CAMKMT: variants seen among roughly 807,000 people sequenced by gnomAD.
CAMKMT encodes the protein CaM KMT.
In CAMKMT, 53 loss-of-function variants were observed where a neutral mutation model predicts 48.0. The ratio of observed to expected loss-of-function variants is 1.10; its 90% CI spans 0.89 to 1.39. The LOEUF (loss-of-function observed/expected upper bound fraction) is 1.39. Among genes scored for constraint, CAMKMT ranks in the 40% most tolerant of loss-of-function variants. The pLI, the probability that CAMKMT is intolerant of heterozygous loss-of-function variation, is 0.00. For synonymous variants in CAMKMT, 165 were observed against 152.3 expected, an observed-to-expected ratio of 1.08 and a Z score of -0.61; for missense variants, 428 against 402.7, an observed-to-expected ratio of 1.06 and a Z score of -0.54.
At chr2:44,401,676 T>A (rs1208141750) in intron 3 of CAMKMT, among the ~76,000 whole-genome samples, 1 of 152,266 alleles carries the variant, frequency 6.6e-6, no homozygotes, top group African/African-American at 2.4e-5. Flanking sequence ...AAATATGAAT[T>A]TAATGGCTTG....
intron 3 of CAMKMT, among the ~76,000 whole-genome samples, chr2:44,472,577 C>T (rs1668478422): frequency 6.6e-6 from 1 of 152,026 alleles, no homozygotes; most frequent in Non-Finnish European, 1.5e-5. Context: ...TCATTTTTAA[C>T]AAAAATTTAT....
At chr2:44,471,739 C>G (rs929425751) in intron 3 of CAMKMT, among the ~76,000 whole-genome samples, 2 of 152,128 alleles carry the variant, frequency 1.3e-5, no homozygotes, top group Non-Finnish European at 2.9e-5. Flanking sequence ...TGGAGTCTCA[C>G]TCTGTTGCCC....
intron 3 of CAMKMT, among the ~76,000 whole-genome samples, chr2:44,590,335 GTT>G (rs1670182842): frequency 6.6e-6 from 1 of 152,170 alleles, no homozygotes. Context: ...AAGAATTGGT[GTT>G]ATTTCTCCTT....
At chr2:44,440,576 A>T (rs1453996979) in intron 3 of CAMKMT, among the ~76,000 whole-genome samples, 2 of 152,188 alleles carry the variant, frequency 1.3e-5, no homozygotes, top group Non-Finnish European at 2.9e-5. Context: ...GAATTATGAT[A>T]AAATTTAATT....
At position 44,452,812 on chromosome 2, in the gene CAMKMT, A is replaced by C. The variant is rs1667360755; in HGVS notation, c.376+62507A>C. On this transcript the variant is annotated intron_variant, in intron 3 of 10. Transcript: ENST00000378494. ...GTTCTTGCATTCATTAGGTATATTT[A>C]CAAGTCATCTGTGATCAGTTTAGTT... Among the ~76,000 whole-genome samples, 3 of 152,022 alleles carry C rather than the reference A, an allele frequency of 2.0e-5. No individual in the cohort carries two copies. The South Asian group carries it at 6.2e-4, about 31-fold the overall frequency.
chr2:44,407,357 A>G lies in CAMKMT; in HGVS notation c.376+17052A>G, dbSNP rs367844951. ...GGGCCTGGAGGGCTCATTCTTGGCC[A>G]TACCCTGTGCACATGAGTCTCAGGG... On this transcript the variant is annotated intron_variant, in intron 3 of 10. Transcript: ENST00000378494. Among the ~76,000 whole-genome samples the G allele has an allele frequency of 1.2e-3, 189 of 152,210 alleles. 5 individuals carry two copies. The South Asian group carries it at 0.038, about 30-fold the overall frequency.
At chr2:44,667,658 A>G (rs1573030033) in intron 3 of CAMKMT, among the ~76,000 whole-genome samples, 1 of 152,052 alleles carries the variant, frequency 6.6e-6, no homozygotes, top group African/African-American at 2.4e-5. Context: ...CCTCTTAGCT[A>G]CCTACCCCCG....
intron 3 of CAMKMT, among the ~76,000 whole-genome samples, chr2:44,511,470 G>A (rs1250754287): frequency 6.6e-6 from 1 of 151,852 alleles, no homozygotes; most frequent in Non-Finnish European, 1.5e-5. Context: ...TGTATTTTTG[G>A]TAGAGACAGG....
chr2:44,508,201 A>T (rs1196841013), intron 3 of CAMKMT, among the ~76,000 whole-genome samples: 1 of 152,234 alleles, frequency 6.6e-6, no homozygotes, highest in East Asian at 1.9e-4. Flanking sequence ...ATTGTGATTG[A>T]TTCTAGATCC....
chr2:44,476,113 C>T (rs1176211285), intron 3 of CAMKMT, among the ~76,000 whole-genome samples: 1 of 152,040 alleles, frequency 6.6e-6, no homozygotes, highest in Non-Finnish European at 1.5e-5. Flanking sequence ...ATCTAAAATG[C>T]CTTTTGTCCT....
chr2:44,474,623 C>G (rs910862483), intron 3 of CAMKMT, among the ~76,000 whole-genome samples: 5 of 152,016 alleles, frequency 3.3e-5, no homozygotes, highest in African/African-American at 1.2e-4. Context: ...TCTATCAACC[C>G]AACTAGACCT....
intron 7 of CAMKMT, among the ~76,000 whole-genome samples, chr2:44,721,062 G>A (rs2104317724): frequency 6.6e-6 from 1 of 152,190 alleles, no homozygotes; most frequent in Admixed American, 6.5e-5. Flanking sequence ...ATCCTCTTGA[G>A]TTTTCCAAAC....
intron 3 of CAMKMT, among the ~76,000 whole-genome samples, chr2:44,398,567 C>CTT (rs10711902): frequency 7.9e-6 from 1 of 125,816 alleles, no homozygotes; most frequent in Non-Finnish European, 1.7e-5. Context: ...CTTTTCTTTT[C>CTT]TTTTTTTTTT....
At chr2:44,766,583 G>T (rs1558843416) in intron 10 of CAMKMT, 22 bp downstream of exon 10, 6 of 1,612,206 alleles carry the variant, frequency 3.7e-6, no homozygotes, top group Non-Finnish European at 5.1e-6. Context: ...GCTTGTGTTA[G>T]ATAACACTTT....
chr2:44,501,400 A>G (rs1293491892), intron 3 of CAMKMT, among the ~76,000 whole-genome samples: 1 of 152,188 alleles, frequency 6.6e-6, no homozygotes, highest in Non-Finnish European at 1.5e-5. Flanking sequence ...TAAAGGAACA[A>G]TGGAGAAATG....
intron 3 of CAMKMT, among the ~76,000 whole-genome samples, chr2:44,654,601 C>T (rs1448511558): frequency 6.6e-6 from 1 of 152,144 alleles, no homozygotes; most frequent in African/African-American, 2.4e-5. Context: ...CAACCTCCAC[C>T]TCCTGGGTTC....
chr2:44,663,147 C>G (rs1674767436), intron 3 of CAMKMT, among the ~76,000 whole-genome samples: 1 of 151,996 alleles, frequency 6.6e-6, no homozygotes, highest in African/African-American at 2.4e-5. Context: ...GGTATAATAC[C>G]ATTATCTAAT....
At chr2:44,707,559 A>G (rs1677632685) in intron 6 of CAMKMT, 97 bp downstream of exon 6, 3 of 999,190 alleles carry the variant, frequency 3.0e-6, no homozygotes, top group Non-Finnish European at 3.0e-6. Flanking sequence ...GGGGTATTAA[A>G]AGAGAGTTTC....
intron 3 of CAMKMT, among the ~76,000 whole-genome samples, chr2:44,471,273 G>C (rs1052379970): frequency 2.0e-5 from 3 of 152,048 alleles, no homozygotes; most frequent in Admixed American, 1.3e-4. Flanking sequence ...TTACAGGGGT[G>C]AGCCACCGCG....
Sources: gnomAD v4.1 joint callset for allele counts (sites outside exome capture counted in the v4.1 genomes callset) on GRCh38, gnomAD v4.1.1 for gene constraint, MANE v1.5 for transcripts, NCBI Gene and HGNC (gene_info 2026-07-23, HGNC 2026-07-21) for gene names.